CDH12: variants seen among roughly 807,000 people sequenced by gnomAD.
The protein encoded by CDH12 is cadherin 12.
CDH12 carries 41 observed loss-of-function variants against 74.1 expected under a neutral mutation model. The ratio of observed to expected loss-of-function variants is 0.55; its 90% CI spans 0.43 to 0.72. CDH12 has a LOEUF of 0.72. CDH12 is among the 30% of genes least tolerant of loss of function. The pLI is 0.00. For missense variants in CDH12, 945 were observed against 977.2 expected, an observed-to-expected ratio of 0.97 and a Z score of 0.44; for synonymous variants, 399 against 355.0, an observed-to-expected ratio of 1.12 and a Z score of -1.39.
At chr5:21,930,868 AC>A (rs1219789811) in intron 6 of CDH12, among the ~76,000 whole-genome samples, 1 of 152,208 alleles carries the variant, frequency 6.6e-6, no homozygotes, top group African/African-American at 2.4e-5. Context: ...CATTTTTATT[AC>A]AAAAATACCT....
intron 4 of CDH12, among the ~76,000 whole-genome samples, chr5:22,129,640 C>T (rs937008073): frequency 6.6e-6 from 1 of 152,112 alleles, no homozygotes; most frequent in Non-Finnish European, 1.5e-5. Context: ...ATCCCTGGCC[C>T]TTAGCACACC....
intron 5 of CDH12, among the ~76,000 whole-genome samples, chr5:22,004,094 A>G (rs6894722): frequency 0.32 from 47,896 of 152,000 alleles, 9,110 homozygotes; most frequent in African/African-American, 0.54. Flanking sequence ...TTATCTTGAT[A>G]TCAGTGAATG....
At chr5:22,325,470 A>T (rs1211361681) in intron 3 of CDH12, among the ~76,000 whole-genome samples, 1 of 152,212 alleles carries the variant, frequency 6.6e-6, no homozygotes, top group African/African-American at 2.4e-5. Context: ...TATGTGTTAT[A>T]TCACATTAAC....
chr5:21,788,505 T>G (rs973660786), intron 10 of CDH12, among the ~76,000 whole-genome samples: 1 of 152,168 alleles, frequency 6.6e-6, no homozygotes, highest in Non-Finnish European at 1.5e-5. Context: ...GTTAAAAAAC[T>G]ATTAATTTCT....
At chr5:22,739,235 A>G (rs1744891336) in intron 1 of CDH12, among the ~76,000 whole-genome samples, 1 of 152,038 alleles carries the variant, frequency 6.6e-6, no homozygotes, top group South Asian at 2.1e-4. Flanking sequence ...AGAAATCATG[A>G]AAATGAATGT....
rs571269964 is a variant in CDH12, at chr5:22,555,432, GC to G, written c.-522-50069del. On this transcript the variant is annotated intron_variant, in intron 1 of 14. Transcript: ENST00000382254. The stretch of plus-strand genomic sequence containing the variant: ...GCAGTATGCCTGTGGAAAATGAAAT[GC>G]CATCTCTTTAGAAATATCCTTAAAA... 3.0e-4 allele frequency among the ~76,000 whole-genome samples: 45 copies of G among 151,992 alleles called. 1 individual carries two copies. The highest frequency in any genetic ancestry group is 4.9e-4 in the Non-Finnish European group (33 of 67,856).
At chr5:22,656,393 T>C (rs1324691081) in intron 1 of CDH12, among the ~76,000 whole-genome samples, 1 of 152,134 alleles carries the variant, frequency 6.6e-6, no homozygotes. Context: ...AATTTCCAAA[T>C]GGCTAGTAAG....
At position 21,751,927 on chromosome 5, in the gene CDH12, G is replaced by C. The variant is rs1016186866; in HGVS notation, c.2195C>G (p.Pro732Arg). 2 of 1,613,876 alleles carry C rather than the reference G, an allele frequency of 1.2e-6. No homozygotes were observed. The highest frequency in any genetic ancestry group is 1.7e-6 in the Non-Finnish European group (2 of 1,179,980). The change falls in exon 15 of 15, where the codon CCA (proline) becomes CGA (arginine). Residue 732 changes from proline to arginine, a missense_variant. Physicochemically the swap from Pro to Arg is moderately radical, Grantham distance 103. Coordinates refer to ENST00000382254, the MANE Select transcript of CDH12 (RefSeq NM_004061.5). ...QENDVDPTAP[P>R]YDSLATYAYE... Reference sequence around the variant, plus strand: ...GGCATATGTGGCCAGTGAATCGTATGGTGGGGCAGTTGGATCCACATCATT... The same window carrying C: ...GGCATATGTGGCCAGTGAATCGTATCGTGGGGCAGTTGGATCCACATCATT...
chr5:21,896,649 T>C (rs1753136487), intron 6 of CDH12, among the ~76,000 whole-genome samples: 1 of 124,484 alleles, frequency 8.0e-6, no homozygotes, highest in Admixed American at 8.8e-5. Context: ...TTTGCTGTTA[T>C]TTTGAAATCA....
At chr5:22,134,016 G>T (rs1366033616) in intron 4 of CDH12, among the ~76,000 whole-genome samples, 1 of 151,996 alleles carries the variant, frequency 6.6e-6, no homozygotes, top group African/African-American at 2.4e-5. Context: ...AAACAAGAAG[G>T]AACAAATAAG....
chr5:22,061,368 A>G lies in CDH12; in HGVS notation c.231+17078T>C, dbSNP rs539344002. On this transcript the variant is annotated intron_variant, in intron 5 of 14. Transcript: ENST00000382254. The stretch of plus-strand genomic sequence containing the variant: ...CAGTGGTTTTACTTTTTTCAGAGTC[A>G]GGAAAGAGGAATGTTTCTCTCATAT... 7.9e-5 allele frequency among the ~76,000 whole-genome samples: 12 copies of G among 152,282 alleles called. No individual in the cohort carries two copies. In the South Asian group the frequency reaches 1.7e-3, roughly 21 times the overall value.
At chr5:22,154,487 A>C (rs1747877288) in intron 4 of CDH12, among the ~76,000 whole-genome samples, 1 of 39,702 alleles carries the variant, frequency 2.5e-5, no homozygotes. Context: ...ATATATGTAC[A>C]CATATATATG....
At position 22,213,305 on chromosome 5, in the gene CDH12, C is replaced by A. The variant is rs1751647740; in HGVS notation, c.-332-662G>T. 3.3e-5 allele frequency among the ~76,000 whole-genome samples: 5 copies of A among 151,718 alleles called. No homozygotes were observed. In the South Asian group the frequency reaches 1.0e-3, roughly 32 times the overall value. On this transcript the variant is annotated intron_variant, in intron 3 of 14. Transcript: ENST00000382254. ...ATTGCTACAGACACAAGCACTCAAA[C>A]CACGGCATGAACACAGCCTTGCTTG...
chr5:22,710,562 A>AAG (rs1297682955), intron 1 of CDH12, among the ~76,000 whole-genome samples: 2 of 152,146 alleles, frequency 1.3e-5, no homozygotes, highest in Non-Finnish European at 2.9e-5. Context: ...CCTGAGGGTA[A>AAG]GGATTTTTGC....
intron 4 of CDH12, among the ~76,000 whole-genome samples, chr5:22,083,458 T>A (rs1742871583): frequency 6.6e-6 from 1 of 152,162 alleles, no homozygotes; most frequent in South Asian, 2.1e-4. Context: ...TTATCAGCCA[T>A]TCTGTTCCTG....
intron 3 of CDH12, among the ~76,000 whole-genome samples, chr5:22,239,784 G>C (rs532571444): frequency 6.6e-6 from 1 of 152,122 alleles, no homozygotes; most frequent in Non-Finnish European, 1.5e-5. Context: ...ATTATTAGAG[G>C]GTGTTGAGCT....
At chr5:22,641,358 C>T (rs1739141490) in intron 1 of CDH12, among the ~76,000 whole-genome samples, 1 of 152,116 alleles carries the variant, frequency 6.6e-6, no homozygotes, top group African/African-American at 2.4e-5. Context: ...AAGATTGTCT[C>T]AGCTCCAATA....
At chr5:22,416,904 A>T (rs1743415803) in intron 2 of CDH12, among the ~76,000 whole-genome samples, 1 of 152,186 alleles carries the variant, frequency 6.6e-6, no homozygotes, top group Non-Finnish European at 1.5e-5. Context: ...TTCAGCTACA[A>T]ATTTAAGATA....
intron 1 of CDH12, among the ~76,000 whole-genome samples, chr5:22,818,278 A>G (rs1749491883): frequency 6.6e-6 from 1 of 152,144 alleles, no homozygotes; most frequent in Admixed American, 6.6e-5. Flanking sequence ...CACATCCTAG[A>G]CAGCTCTACT....
Sources: allele counts gnomAD v4.1 joint callset (sites outside exome capture counted in the v4.1 genomes callset), GRCh38; gene constraint gnomAD v4.1.1; transcripts MANE v1.5; gene names NCBI Gene and HGNC (gene_info 2026-07-23, HGNC 2026-07-21).